PRDM16: variants seen among roughly 807,000 people sequenced by gnomAD.
PRDM16 encodes PR/SET domain 16.
A neutral mutation model predicts 110.6 loss-of-function variants in PRDM16; 23 were observed. The ratio of observed to expected loss-of-function variants is 0.21; its 90% CI spans 0.15 to 0.29. PRDM16 has a LOEUF of 0.29. PRDM16 is among the 10% of genes least tolerant of loss of function. The pLI is 1.00. For synonymous variants in PRDM16, 799 were observed against 781.8 expected, an observed-to-expected ratio of 1.02 and a Z score of -0.37; for missense variants, 1,615 against 1,794.3, an observed-to-expected ratio of 0.90 and a Z score of 1.81.
chr1:3,240,180 T>G (rs1639636302), intron 2 of PRDM16, among the ~76,000 whole-genome samples: 2 of 151,528 alleles, frequency 1.3e-5, no homozygotes, highest in South Asian at 4.2e-4. Flanking sequence ...ACATCTATAA[T>G]CACAGAACTT....
chr1:3,379,123 C>A (rs1328208858), intron 3 of PRDM16, among the ~76,000 whole-genome samples: 2 of 126,688 alleles, frequency 1.6e-5, no homozygotes, highest in Non-Finnish European at 3.4e-5. Flanking sequence ...CCCCAACTCA[C>A]CCCTCCCAAC....
intron 3 of PRDM16, among the ~76,000 whole-genome samples, chr1:3,287,202 C>T (rs77685639): frequency 0.069 from 10,527 of 151,838 alleles, 643 homozygotes; most frequent in East Asian, 0.3. Flanking sequence ...ATGCCCTGAG[C>T]GCCGTAGGAG....
At chr1:3,106,413 G>A (rs563828550) in intron 1 of PRDM16, among the ~76,000 whole-genome samples, 10 of 152,296 alleles carry the variant, frequency 6.6e-5, no homozygotes, top group Non-Finnish European at 1.3e-4. Context: ...ACTGGGGCCC[G>A]AGGGGGCTGG....
intron 3 of PRDM16, among the ~76,000 whole-genome samples, chr1:3,351,628 CCCT>C (rs1642492456): frequency 2.3e-5 from 1 of 43,326 alleles, no homozygotes; most frequent in Non-Finnish European, 5.7e-5. Flanking sequence ...CCCTCTCTCC[CCCT>C]CCCTCTCTCT....
chr1:3,107,109 G>A (rs1236698816), intron 1 of PRDM16, among the ~76,000 whole-genome samples: 1 of 152,240 alleles, frequency 6.6e-6, no homozygotes, highest in South Asian at 2.1e-4. Flanking sequence ...AGGAATTTTG[G>A]TGTCTGCTGC....
Position 3,353,533 on chromosome 1 carries a change from C to T in PRDM16, c.439-31619C>T, listed in dbSNP as rs2100543074. 6.6e-6 allele frequency among the ~76,000 whole-genome samples: 1 copy of T among 152,290 alleles called. No individual in the cohort carries two copies. The highest frequency in any genetic ancestry group is 1.5e-5 in the Non-Finnish European group (1 of 68,016). Reference sequence around the variant, plus strand: ...GAGCCCAAGGGTGGCTCCCTCGGGCCACCCCGTTACACTCCAGCCAAGTAC... The same window carrying T: ...GAGCCCAAGGGTGGCTCCCTCGGGCTACCCCGTTACACTCCAGCCAAGTAC... On this transcript the variant is annotated intron_variant, in intron 3 of 16. Transcript: ENST00000270722. This position sits in a 1 kb window ranked among gnomAD's most constrained non-coding sequence, Gnocchi z 5.4.
intron 3 of PRDM16, among the ~76,000 whole-genome samples, chr1:3,322,475 G>T (rs1641782533): frequency 6.6e-6 from 1 of 152,124 alleles, no homozygotes; most frequent in African/African-American, 2.4e-5. Flanking sequence ...ACCAGTGAGT[G>T]CACCCCGGCT....
Position 3,270,156 on chromosome 1 carries a change from A to G in PRDM16, c.438+26019A>G, listed in dbSNP as rs1640405784. The stretch of plus-strand genomic sequence containing the variant: ...GAGGAGTACAGTCCCGGAGGAGGAC[A>G]GTCGGGAGAATAGTCCTGGAGGAGG... On this transcript the variant is annotated intron_variant, in intron 3 of 16. Transcript: ENST00000270722. 2.7e-5 allele frequency among the ~76,000 whole-genome samples: 4 copies of G among 148,546 alleles called. No homozygotes were observed. The South Asian group carries it at 8.8e-4, about 33-fold the overall frequency.
chr1:3,386,323 A>C (rs1643197907), intron 4 of PRDM16, among the ~76,000 whole-genome samples: 1 of 152,260 alleles, frequency 6.6e-6, no homozygotes, highest in East Asian at 1.9e-4. Context: ...TGTGCAAGCC[A>C]TTGAAAGTGA....
chr1:3,110,361 G>C lies in PRDM16; in HGVS notation c.37+41065G>C, dbSNP rs566240871. ...GGGGCTCCCCCATGTCCTGGGTGTG[G>C]GGACACAGTGTCTGCGGCTCCCCCA... On this transcript the variant is annotated intron_variant, in intron 1 of 16. Transcript: ENST00000270722. 7.3e-5 allele frequency among the ~76,000 whole-genome samples: 11 copies of C among 150,066 alleles called. No individual in the cohort carries two copies. The East Asian group carries it at 1.2e-3, about 17-fold the overall frequency.
intron 1 of PRDM16, among the ~76,000 whole-genome samples, chr1:3,092,858 G>A (rs1280777146): frequency 6.6e-6 from 1 of 152,184 alleles, no homozygotes; most frequent in Non-Finnish European, 1.5e-5. Flanking sequence ...AAACCCAGGG[G>A]CAAAGGGGAA....
At chr1:3,294,112 C>G (rs1197477237) in intron 3 of PRDM16, among the ~76,000 whole-genome samples, 2 of 152,128 alleles carry the variant, frequency 1.3e-5, no homozygotes, top group African/African-American at 4.8e-5. Context: ...AATGATGGTA[C>G]CTACCTAGAA....
At chr1:3,406,252 G>T (rs1643559894) in intron 8 of PRDM16, among the ~76,000 whole-genome samples, 1 of 152,036 alleles carries the variant, frequency 6.6e-6, no homozygotes, top group South Asian at 2.1e-4. Flanking sequence ...GCGGTGTGGG[G>T]TTACAGCCTC....
intron 3 of PRDM16, among the ~76,000 whole-genome samples, chr1:3,297,895 G>GCAGGGGCCAGACTGCATGGCAAGCTCCA (rs1351460698): frequency 2.0e-5 from 3 of 150,676 alleles, no homozygotes; most frequent in Admixed American, 6.6e-5. Flanking sequence ...GGCAAGCTCC[G>GCAGGGGCCAGACTGCATGGCAAGCTCCA]CAGGGGCCAG....
intron 3 of PRDM16, among the ~76,000 whole-genome samples, chr1:3,299,234 T>G (rs1352752660): frequency 1.3e-5 from 2 of 151,492 alleles, no homozygotes; most frequent in Non-Finnish European, 1.5e-5. Context: ...TGCCGTGCTG[T>G]GGCCGTGATG....
intron 3 of PRDM16, among the ~76,000 whole-genome samples, chr1:3,273,402 T>C (rs1640501864): frequency 6.6e-6 from 1 of 152,088 alleles, no homozygotes; most frequent in South Asian, 2.1e-4. Context: ...CTCTGATCTG[T>C]GTGTGGAGGA....
chr1:3,278,300 G>A (rs566168414), intron 3 of PRDM16, among the ~76,000 whole-genome samples: 2 of 152,178 alleles, frequency 1.3e-5, no homozygotes, highest in Non-Finnish European at 2.9e-5. Flanking sequence ...GGATAAAGGG[G>A]CGTCTTTCCT....
At chr1:3,166,741 G>T (rs1016683468) in intron 1 of PRDM16, among the ~76,000 whole-genome samples, 2 of 152,192 alleles carry the variant, frequency 1.3e-5, no homozygotes, top group African/African-American at 4.8e-5. Flanking sequence ...CGGCCCAGGT[G>T]GGGAGAAGCC....
chr1:3,250,869 T>C (rs1369360276), intron 3 of PRDM16, among the ~76,000 whole-genome samples: 2 of 152,092 alleles, frequency 1.3e-5, no homozygotes, highest in African/African-American at 4.8e-5. Flanking sequence ...GGGTACAGCC[T>C]GGGGGAAAGG....
Sources: allele counts gnomAD v4.1 joint callset (sites outside exome capture counted in the v4.1 genomes callset), GRCh38; gene constraint gnomAD v4.1.1; non-coding constraint Gnocchi (gnomAD v3.1); transcripts MANE v1.5; gene names NCBI Gene and HGNC (gene_info 2026-07-23, HGNC 2026-07-21).